The following TCF4 variants were observed in gnomAD, a reference collection of about 807,000 sequenced individuals.
TCF4 encodes the protein transcription factor 4.
In TCF4, 3 loss-of-function variants were observed where a neutral mutation model predicts 82.1. The observed-to-expected ratio is 0.04, with a 90% CI of 0.02 to 0.09. The LOEUF is 0.09. Among genes scored for constraint, TCF4 ranks in the 10% least tolerant of loss-of-function variants. The pLI is 1.00. For missense variants in TCF4, 518 were observed against 852.7 expected (o/e 0.61, Z 4.89); for synonymous variants, 276 against 309.6 (o/e 0.89, Z 1.14).
chr18:55,244,168 C>T (rs955736929), intron 15 of TCF4, among the ~76,000 whole-genome samples: 4 of 152,194 alleles, frequency 2.6e-5, no homozygotes, highest in Admixed American at 6.5e-5. Flanking sequence ...GGATACCTGA[C>T]GTGCACTGGC....
At chr18:55,531,594 A>G (rs949674240) in intron 3 of TCF4, among the ~76,000 whole-genome samples, 1 of 152,218 alleles carries the variant, frequency 6.6e-6, no homozygotes, top group African/African-American at 2.4e-5. Flanking sequence ...GTAGAGGAAT[A>G]GTATTTCACT....
intron 6 of TCF4, among the ~76,000 whole-genome samples, chr18:55,365,816 CG>C (rs1403332075): frequency 1.3e-5 from 2 of 151,974 alleles, no homozygotes; most frequent in Non-Finnish European, 2.9e-5. Context: ...CGCTTGAACT[CG>C]GAAGGCAGAG....
At chr18:55,588,537 C>T, upstream of TCF4, 1 of 1,530,664 alleles carries the variant, frequency 6.5e-7, no homozygotes, top group Non-Finnish European at 8.7e-7. Context: ...CCGTTGCATC[C>T]CTCGGAGGCA....
chr18:55,234,705 G>C (rs147301854), intron 15 of TCF4, 22 bp from the exon 16 acceptor site: 76 of 1,613,992 alleles, frequency 4.7e-5, no homozygotes, highest in Middle Eastern at 3.4e-4. Context: ...AGAGGAACCA[G>C]AGAGGTGAGC....
intron 4 of TCF4, among the ~76,000 whole-genome samples, chr18:55,461,548 T>C (rs773886580): frequency 6.6e-6 from 1 of 152,174 alleles, no homozygotes; most frequent in Non-Finnish European, 1.5e-5. Context: ...GATAGAGCCA[T>C]TCAAACAATA....
chr18:55,468,888 C>CA (rs1568136777), intron 3 of TCF4, among the ~76,000 whole-genome samples: 1 of 125,294 alleles, frequency 8.0e-6, no homozygotes, highest in Non-Finnish European at 1.8e-5. Flanking sequence ...CTCGCCCCCC[C>CA]CCCCCTTGTT....
chr18:55,341,918 A>T lies in TCF4; in HGVS notation c.549+8441T>A, dbSNP rs749702626. ...CTACAAATTGTGACGCAAGTGACAC[A>T]AGACTGCAAATTTCATTAAACGTGA... On this transcript the variant is annotated intron_variant, in intron 8 of 19. Transcript: ENST00000354452. 3.9e-5 allele frequency among the ~76,000 whole-genome samples: 6 copies of T among 152,338 alleles called. No individual in the cohort carries two copies. In the South Asian group the frequency reaches 1.0e-3, roughly 26 times the overall value.
chr18:55,501,597 TA>T (rs1194873602), intron 3 of TCF4, among the ~76,000 whole-genome samples: 3 of 152,032 alleles, frequency 2.0e-5, no homozygotes, highest in Non-Finnish European at 2.9e-5. Flanking sequence ...GGTTGGGTTT[TA>T]AAAGAGACAG....
At chr18:55,369,371 G>A (rs919656027) in intron 6 of TCF4, among the ~76,000 whole-genome samples, 28 of 152,132 alleles carry the variant, frequency 1.8e-4, no homozygotes, top group African/African-American at 6.8e-4. Flanking sequence ...CACACTCCTT[G>A]GAGACACCAG....
chr18:55,601,987 T>A (rs939305731), intron 2 of TCF4, among the ~76,000 whole-genome samples: 1 of 152,352 alleles, frequency 6.6e-6, no homozygotes, highest in East Asian at 1.9e-4. Flanking sequence ...GTGATTTTCT[T>A]TCGTTTCTTT....
intron 5 of TCF4, among the ~76,000 whole-genome samples, chr18:55,446,759 C>A (rs1407798982): frequency 1.3e-5 from 2 of 151,902 alleles, no homozygotes; most frequent in Admixed American, 6.6e-5. Context: ...CCGAGGCAGG[C>A]GGATCACTAG....
chr18:55,318,110 A>G (rs1038206388), intron 8 of TCF4, among the ~76,000 whole-genome samples: 7 of 152,138 alleles, frequency 4.6e-5, no homozygotes. Context: ...ATCTTCAATT[A>G]CCATTACGAG....
rs2096622209 is a variant in TCF4 at position 55,495,283 on chromosome 18, C to T, written c.146-31146G>A. On this transcript the variant is annotated intron_variant, in intron 3 of 19. Coordinates refer to ENST00000354452, the MANE Select transcript of TCF4 (RefSeq NM_001083962.2). Reference sequence around the variant, plus strand: ...GTCACACTTAGCCAGCCCAAAAAGTCGGTGGAGAATATAAGAAGGTATTTG... The same window carrying T: ...GTCACACTTAGCCAGCCCAAAAAGTTGGTGGAGAATATAAGAAGGTATTTG... Among the ~76,000 whole-genome samples the T allele has an allele frequency of 1.4e-5, 2 of 143,220 alleles. 1 individual carries two copies. The allele number at this position is 143,220 out of a possible 152,430, so 94.0% of individuals were successfully genotyped here.
intron 8 of TCF4, among the ~76,000 whole-genome samples, chr18:55,315,795 A>C (rs2073972438): frequency 6.6e-6 from 1 of 152,146 alleles, no homozygotes; most frequent in South Asian, 2.1e-4. Context: ...TTCACACTAA[A>C]GGAGACAATT....
intron 2 of TCF4, among the ~76,000 whole-genome samples, chr18:55,599,879 G>A (rs768725732): frequency 1.3e-5 from 2 of 152,154 alleles, no homozygotes; most frequent in Non-Finnish European, 2.9e-5. Context: ...CTGCTTCATA[G>A]TGAATACCCA....
intron 2 of TCF4, among the ~76,000 whole-genome samples, chr18:55,623,768 G>C (rs964413269): frequency 6.6e-6 from 1 of 152,102 alleles, no homozygotes; most frequent in African/African-American, 2.4e-5. Context: ...AGTGTGAATT[G>C]GAGTTTTGCA....
intron 8 of TCF4, among the ~76,000 whole-genome samples, chr18:55,343,625 A>G (rs1363724409): frequency 6.6e-6 from 1 of 152,172 alleles, no homozygotes; most frequent in African/African-American, 2.4e-5. Flanking sequence ...CAAAATGCAG[A>G]AACTTCTGCA....
chr18:55,413,037 AG>A (rs1446395087), intron 5 of TCF4, among the ~76,000 whole-genome samples: 1 of 152,194 alleles, frequency 6.6e-6, no homozygotes, highest in Non-Finnish European at 1.5e-5. Context: ...TTAACTTTCA[AG>A]CTAAGTTTAC....
At chr18:55,302,885 G>A (rs764813947) in intron 8 of TCF4, among the ~76,000 whole-genome samples, 2 of 152,136 alleles carry the variant, frequency 1.3e-5, no homozygotes, top group African/African-American at 4.8e-5. Flanking sequence ...AATAAAAGTG[G>A]TGTTTTCAGT....
Sources: gnomAD v4.1 joint callset for allele counts (sites outside exome capture counted in the v4.1 genomes callset) on GRCh38, gnomAD v4.1.1 for gene constraint, MANE v1.5 for transcripts, NCBI Gene and HGNC (gene_info 2026-07-23, HGNC 2026-07-21) for gene names.